Variants in DRC8 observed in about 807,000 individuals in gnomAD.
DRC8 encodes dynein regulatory complex protein 8.
chr1:245,011,140 A>G, the DRC8 span, among the ~76,000 whole-genome samples: 5 of 152,226 alleles, frequency 3.3e-5, no homozygotes, highest in Non-Finnish European at 7.3e-5. Context: ...CCCTATAGAC[A>G]TAGCCTGAAG....
At chr1:245,026,007 T>C in the DRC8 span, among the ~76,000 whole-genome samples, 1 of 152,232 alleles carries the variant, frequency 6.6e-6, no homozygotes, top group Non-Finnish European at 1.5e-5. Context: ...TTCATAGCAG[T>C]ATTAGTGGTA....
chr1:245,083,702 A>G, the DRC8 span: 2 of 1,601,024 alleles, frequency 1.2e-6, no homozygotes, highest in Non-Finnish European at 1.7e-6. Context: ...AGTGTGATTT[A>G]TTACTTATCA....
chr1:244,987,495 G>A, the DRC8 span, among the ~76,000 whole-genome samples: 109 of 152,094 alleles, frequency 7.2e-4, 1 homozygote, highest in Admixed American at 3.4e-3. Context: ...GTGAGCCACA[G>A]CTACGGTATT....
chr1:245,001,504 C>T, the DRC8 span, among the ~76,000 whole-genome samples: 1 of 152,190 alleles, frequency 6.6e-6, no homozygotes, highest in Non-Finnish European at 1.5e-5. Context: ...GGGTGGTTCA[C>T]ATGTAACTGG....
At chr1:245,078,457 A>T in the DRC8 span, among the ~76,000 whole-genome samples, 1 of 146,962 alleles carries the variant, frequency 6.8e-6, no homozygotes, top group African/African-American at 2.6e-5. Flanking sequence ...TGGATAGTAT[A>T]TGTACACACA....
the DRC8 span, among the ~76,000 whole-genome samples, chr1:245,109,494 G>A: frequency 6.6e-6 from 1 of 152,168 alleles, no homozygotes; most frequent in African/African-American, 2.4e-5. Flanking sequence ...AAGAAGACAA[G>A]CACCCTCATG....
At chr1:245,112,910 C>T in the DRC8 span, among the ~76,000 whole-genome samples, 9 of 152,110 alleles carry the variant, frequency 5.9e-5, no homozygotes, top group Non-Finnish European at 1.2e-4. Flanking sequence ...TCTGCCACCA[C>T]GCCCAGCTAA....
the DRC8 span, among the ~76,000 whole-genome samples, chr1:245,069,291 A>G: frequency 6.6e-6 from 1 of 152,220 alleles, no homozygotes; most frequent in African/African-American, 2.4e-5. Context: ...AAAGTAAGCC[A>G]GAGTAAAGAA....
At chr1:245,025,496 C>T in the DRC8 span, among the ~76,000 whole-genome samples, 2 of 152,166 alleles carry the variant, frequency 1.3e-5, no homozygotes, top group East Asian at 1.9e-4. Context: ...ACACTCCATT[C>T]TAATCAATTT....
chr1:245,110,340 C>T, the DRC8 span, among the ~76,000 whole-genome samples: 1 of 152,164 alleles, frequency 6.6e-6, no homozygotes, highest in Non-Finnish European at 1.5e-5. Context: ...GCCGAGATTG[C>T]ACCACTGCAT....
the DRC8 span, among the ~76,000 whole-genome samples, chr1:245,108,848 C>T: frequency 6.6e-6 from 1 of 152,148 alleles, no homozygotes; most frequent in Admixed American, 6.6e-5. Context: ...CTAACTCTGC[C>T]TCTAGGCTCA....
chr1:245,070,674 G>A, the DRC8 span, among the ~76,000 whole-genome samples: 78 of 152,096 alleles, frequency 5.1e-4, no homozygotes, highest in African/African-American at 1.8e-3. Flanking sequence ...TACATTTTGG[G>A]TAATTTTTTC....
chr1:244,993,747 T>A, the DRC8 span, among the ~76,000 whole-genome samples: 2 of 152,130 alleles, frequency 1.3e-5, no homozygotes, highest in Non-Finnish European at 2.9e-5. Flanking sequence ...GTAGAAGGCA[T>A]CATATGGGGA....
At chr1:245,044,636 G>C in the DRC8 span, among the ~76,000 whole-genome samples, 1 of 152,010 alleles carries the variant, frequency 6.6e-6, no homozygotes, top group Non-Finnish European at 1.5e-5. Context: ...GGAGTGCAGT[G>C]GCACCATCTC....
At chr1:245,067,538 G>A in the DRC8 span, among the ~76,000 whole-genome samples, 3 of 152,206 alleles carry the variant, frequency 2.0e-5, no homozygotes, top group African/African-American at 7.2e-5. Flanking sequence ...TGGATGGAAA[G>A]TATCATACTA....
chr1:245,074,275 T>A, the DRC8 span, among the ~76,000 whole-genome samples: 1 of 152,338 alleles, frequency 6.6e-6, no homozygotes, highest in South Asian at 2.1e-4. Flanking sequence ...TTTAAATCAT[T>A]GTTTTTGGTC....
chr1:245,014,070 GAAAA>G, the DRC8 span, among the ~76,000 whole-genome samples: 1 of 140,678 alleles, frequency 7.1e-6, no homozygotes, highest in Non-Finnish European at 1.6e-5. Flanking sequence ...AAGAAAAAAA[GAAAA>G]GAGTAGTTAA....
At chr1:245,010,751 G>A in the DRC8 span, among the ~76,000 whole-genome samples, 2 of 143,744 alleles carry the variant, frequency 1.4e-5, no homozygotes, top group Non-Finnish European at 3.0e-5. Context: ...GTGCGATCTC[G>A]GCTCACTGCA....
chr1:245,004,202 A>G, the DRC8 span, among the ~76,000 whole-genome samples: 1 of 152,054 alleles, frequency 6.6e-6, no homozygotes, highest in Non-Finnish European at 1.5e-5. Flanking sequence ...GGTGTGAGCC[A>G]TGGTACCCAG....
Sources: allele counts gnomAD v4.1 joint callset (sites outside exome capture counted in the v4.1 genomes callset), GRCh38; gene constraint gnomAD v4.1.1; transcripts MANE v1.5; gene names NCBI Gene and HGNC (gene_info 2026-07-23, HGNC 2026-07-21).